Variants in KCNMB2 observed in about 807,000 individuals in gnomAD.
KCNMB2 encodes the protein potassium calcium-activated channel subfamily M regulatory beta subunit 2.
KCNMB2 carries 9 observed loss-of-function variants against 24.5 expected under a neutral mutation model. The observed-to-expected ratio is 0.37, with a 90% CI of 0.22 to 0.64. The LOEUF (loss-of-function observed/expected upper bound fraction) is 0.64, where lower values mean the gene tolerates loss of function less well. Ranked by LOEUF, KCNMB2 falls within the 30% of genes least tolerant of loss-of-function variation. The pLI is 0.63. For missense variants in KCNMB2, 226 were observed against 284.3 expected (o/e 0.79, Z 1.47); for synonymous variants, 109 against 104.4 (o/e 1.04, Z -0.27).
At chr3:178,744,610 G>T (rs6443576) in intron 1 of KCNMB2, among the ~76,000 whole-genome samples, 74,039 of 151,798 alleles carry the variant, frequency 0.49, 18,555 homozygotes, top group African/African-American at 0.62. Context: ...ATAGAGCAAG[G>T]GTTGACACCC....
At chr3:178,598,434 T>C (rs1717956683) in intron 1 of KCNMB2, among the ~76,000 whole-genome samples, 2 of 151,954 alleles carry the variant, frequency 1.3e-5, no homozygotes, top group South Asian at 4.1e-4. Context: ...ACTCATTCAC[T>C]CATTCATTTA....
At chr3:178,823,578 G>A (rs1048098263) in intron 2 of KCNMB2, among the ~76,000 whole-genome samples, 1 of 151,952 alleles carries the variant, frequency 6.6e-6, no homozygotes, top group African/African-American at 2.4e-5. Flanking sequence ...ATAAATACTC[G>A]GCCCTACAAC....
intron 1 of KCNMB2, among the ~76,000 whole-genome samples, chr3:178,796,519 T>C (rs1035465100): frequency 2.6e-5 from 4 of 152,068 alleles, no homozygotes; most frequent in Non-Finnish European, 5.9e-5. Flanking sequence ...AATAAGTCTT[T>C]AAATATTCAA....
At position 178,765,327 on chromosome 3, in the gene KCNMB2, A is replaced by C. The variant is rs962881240; in HGVS notation, c.-67-42016A>C. 2.0e-5 allele frequency among the ~76,000 whole-genome samples: 3 copies of C among 152,192 alleles called. No homozygotes were observed. The South Asian group carries it at 6.2e-4, about 32-fold the overall frequency. On this transcript the variant is annotated intron_variant, in intron 1 of 4. Transcript: ENST00000452583. ...TCACTGGCCAACTAGTATAGACCCG[A>C]CTTTAAGATATGGGGTGAGTGTCTG... is the stretch of plus-strand genomic sequence containing the variant.
At position 178,712,359 on chromosome 3, in the gene KCNMB2, A is replaced by G. The variant is rs147702126; in HGVS notation, c.-67-94984A>G. ...AGACTGTTCAGTTCATACTGCATACAGTCTAGTTGAAGGAGGTTGCAGTCA... is the reference window on the plus strand; with the variant it reads ...AGACTGTTCAGTTCATACTGCATACGGTCTAGTTGAAGGAGGTTGCAGTCA... On this transcript the variant is annotated intron_variant, in intron 1 of 4. Coordinates refer to ENST00000452583, the MANE Select transcript of KCNMB2 (RefSeq NM_181361.3). Among the ~76,000 whole-genome samples the G allele has an allele frequency of 5.5e-3, 845 of 152,316 alleles. 7 individuals are homozygous for G. The highest frequency in any genetic ancestry group is 0.019 in the African/African-American group (800 of 41,578).
chr3:178,814,723 T>C (rs959323263), intron 2 of KCNMB2, among the ~76,000 whole-genome samples: 1 of 152,236 alleles, frequency 6.6e-6, no homozygotes, highest in Non-Finnish European at 1.5e-5. Context: ...TGATTAGTAA[T>C]GTTGAGTACT....
chr3:178,756,401 A>G (rs80215490), intron 1 of KCNMB2, among the ~76,000 whole-genome samples: 21,271 of 152,138 alleles, frequency 0.14, 1,838 homozygotes, highest in Non-Finnish European at 0.18. Flanking sequence ...GCCTCTGGTC[A>G]CAATGTTTCT....
chr3:178,625,611 C>T (rs975603907), intron 1 of KCNMB2, among the ~76,000 whole-genome samples: 2 of 152,196 alleles, frequency 1.3e-5, no homozygotes, highest in Non-Finnish European at 2.9e-5. Context: ...TGAATTATTA[C>T]ATAGTGTAGA....
At chr3:178,662,068 A>G (rs1343210719) in intron 1 of KCNMB2, among the ~76,000 whole-genome samples, 1 of 152,220 alleles carries the variant, frequency 6.6e-6, no homozygotes, top group Admixed American at 6.5e-5. Context: ...GACTAAGGCC[A>G]CACAGAATAT....
At chr3:178,600,220 T>A (rs1718030092) in intron 1 of KCNMB2, among the ~76,000 whole-genome samples, 1 of 152,172 alleles carries the variant, frequency 6.6e-6, no homozygotes, top group Non-Finnish European at 1.5e-5. Context: ...TCAAGATTTA[T>A]TCATGTTGTA....
At chr3:178,582,159 C>T (rs1168312632) in intron 1 of KCNMB2, among the ~76,000 whole-genome samples, 1 of 152,168 alleles carries the variant, frequency 6.6e-6, no homozygotes, top group Non-Finnish European at 1.5e-5. Flanking sequence ...GGCACATATA[C>T]ACCATTGAAT....
intron 1 of KCNMB2, among the ~76,000 whole-genome samples, chr3:178,692,316 C>T (rs1381319078): frequency 2.0e-5 from 3 of 152,238 alleles, no homozygotes; most frequent in African/African-American, 7.2e-5. Context: ...GAAATCTTTG[C>T]CCATGCCTAT....
intron 1 of KCNMB2, among the ~76,000 whole-genome samples, chr3:178,639,146 C>T (rs1719633902): frequency 6.6e-6 from 1 of 152,020 alleles, no homozygotes; most frequent in Non-Finnish European, 1.5e-5. Context: ...GAAGCAAAGC[C>T]ATGTTAAAAT....
At position 178,689,035 on chromosome 3, in the gene KCNMB2, C is replaced by T. The variant is rs192279560; in HGVS notation, c.-67-118308C>T. On this transcript the variant is annotated intron_variant, in intron 1 of 4. Coordinates refer to ENST00000452583, the MANE Select transcript of KCNMB2 (RefSeq NM_181361.3). Reference sequence around the variant, plus strand: ...ACTTATCATCAGTTTTGGCTTAAGTCAAATCAGTCTTTAGAGAAAATTGCT... The same window carrying T: ...ACTTATCATCAGTTTTGGCTTAAGTTAAATCAGTCTTTAGAGAAAATTGCT... Among the ~76,000 whole-genome samples, 401 of 152,156 alleles carry T rather than the reference C, an allele frequency of 2.6e-3. 1 individual carries two copies. Among genetic ancestry groups the T allele is most frequent in the Middle Eastern group, 0.014 (4 of 294 alleles).
rs566840618 is a variant in KCNMB2 at position 178,836,804 on chromosome 3, C to A, written c.424-5849C>A. On this transcript the variant is annotated intron_variant, in intron 4 of 4. Coordinates refer to ENST00000452583, the MANE Select transcript of KCNMB2 (RefSeq NM_181361.3). Reference sequence around the variant, plus strand: ...ATCTTCCCGTTCCCACACCTCCCACCAAAAAAGAGAGATCTAAAAATGATG... The same window carrying A: ...ATCTTCCCGTTCCCACACCTCCCACAAAAAAAGAGAGATCTAAAAATGATG... Among the ~76,000 whole-genome samples, 4 of 151,878 alleles carry A rather than the reference C, an allele frequency of 2.6e-5. No homozygotes were observed. The East Asian group carries it at 7.7e-4, about 29-fold the overall frequency.
chr3:178,551,581 T>G (rs933133483), intron 1 of KCNMB2, among the ~76,000 whole-genome samples: 2 of 152,212 alleles, frequency 1.3e-5, no homozygotes, highest in Non-Finnish European at 2.9e-5. Context: ...AGGGGGCCAC[T>G]GCTAACAAGT....
At chr3:178,567,343 C>T (rs1235020766) in intron 1 of KCNMB2, among the ~76,000 whole-genome samples, 1 of 151,916 alleles carries the variant, frequency 6.6e-6, no homozygotes, top group Non-Finnish European at 1.5e-5. Context: ...GGGAGGAAGT[C>T]CTGAGCAACA....
chr3:178,788,293 A>T (rs749274133), intron 1 of KCNMB2, among the ~76,000 whole-genome samples: 11 of 152,220 alleles, frequency 7.2e-5, no homozygotes, highest in Non-Finnish European at 1.3e-4. Flanking sequence ...ATCAAAACTG[A>T]ACATCAGTTG....
intron 1 of KCNMB2, among the ~76,000 whole-genome samples, chr3:178,589,241 A>C (rs1717573074): frequency 6.6e-6 from 1 of 152,284 alleles, no homozygotes; most frequent in African/African-American, 2.4e-5. Context: ...GCAGAGCCCA[A>C]ATTTCTGGCA....
Sources: gnomAD v4.1 joint callset for allele counts (sites outside exome capture counted in the v4.1 genomes callset) on GRCh38, gnomAD v4.1.1 for gene constraint, MANE v1.5 for transcripts, NCBI Gene and HGNC (gene_info 2026-07-23, HGNC 2026-07-21) for gene names.